The following GPR137B variants were observed in gnomAD, a reference collection of about 807,000 sequenced individuals.
GPR137B encodes the protein integral membrane protein GPR137B.
A neutral mutation model predicts 42.5 loss-of-function variants in GPR137B; 42 were observed. That is an observed-to-expected ratio of 0.99 (90% CI 0.77 to 1.28). The LOEUF is 1.28. Ranked by LOEUF, GPR137B falls within the 50% of genes most tolerant of loss-of-function variation. The pLI, the probability that GPR137B is intolerant of heterozygous loss-of-function variation, is 0.00. For synonymous variants in GPR137B, 218 were observed against 209.7 expected, an observed-to-expected ratio of 1.04 and a Z score of -0.34; for missense variants, 487 against 493.9, an observed-to-expected ratio of 0.99 and a Z score of 0.13.
intron 1 of GPR137B, among the ~76,000 whole-genome samples, chr1:236,146,034 T>C (rs573193240): frequency 6.6e-6 from 1 of 152,166 alleles, no homozygotes; most frequent in East Asian, 1.9e-4. Flanking sequence ...ATTTTTGTAT[T>C]TTTAGTAGAG....
chr1:236,190,003 TG>T (rs1312073172), intron 5 of GPR137B, among the ~76,000 whole-genome samples: 1 of 152,200 alleles, frequency 6.6e-6, no homozygotes, highest in Non-Finnish European at 1.5e-5. Flanking sequence ...GCTCCTGTAT[TG>T]GGTGCATATA....
chr1:236,149,953 C>A (rs762800148), intron 1 of GPR137B, among the ~76,000 whole-genome samples: 4 of 150,740 alleles, frequency 2.7e-5, no homozygotes, highest in Non-Finnish European at 5.9e-5. Context: ...TGTGCATATG[C>A]GTGTGTGCCT....
intron 1 of GPR137B, among the ~76,000 whole-genome samples, chr1:236,166,484 T>TGTA: frequency 7.2e-6 from 1 of 139,590 alleles, no homozygotes; most frequent in Non-Finnish European, 1.5e-5. Context: ...TTATATATAT[T>TGTA]TATATATACA....
chr1:236,187,207 G>A (rs1663059631), intron 5 of GPR137B, among the ~76,000 whole-genome samples: 1 of 152,062 alleles, frequency 6.6e-6, no homozygotes, highest in South Asian at 2.1e-4. Flanking sequence ...GTAAATTTAA[G>A]TTCTTTGTAG....
intron 1 of GPR137B, among the ~76,000 whole-genome samples, chr1:236,152,592 A>G (rs955281848): frequency 6.6e-6 from 1 of 151,976 alleles, no homozygotes; most frequent in African/African-American, 2.4e-5. Context: ...CCCCATCTCT[A>G]CCAAAAATAC....
rs1293536339 is a variant in GPR137B at position 236,178,564 on chromosome 1, T to C, written c.615T>C (p.Cys205=). 1 of 1,613,352 alleles carries C rather than the reference T, an allele frequency of 6.2e-7. No homozygotes were observed. The highest frequency in any genetic ancestry group is 1.3e-5 in the African/African-American group (1 of 75,024). Residue 205 remains cysteine, a synonymous_variant, in exon 3 of 7, where the codon TGT becomes TGC. Coordinates refer to ENST00000366592, the MANE Select transcript of GPR137B (RefSeq NM_003272.4). ...TTAATGACACGCTCTTCGTGCTGTG[T>C]GCCGTCTCTCTCTCCATCTGTCTCT... ...VAINDTLFVL[C]AVSLSICLYK... is the part of the protein sequence containing the mutation.
rs188887512 is a variant in GPR137B at position 236,151,572 on chromosome 1, C to T, written c.414+8536C>T. Among the ~76,000 whole-genome samples the T allele has an allele frequency of 4.9e-3, 744 of 151,852 alleles. 6 individuals carry two copies. The highest frequency in any genetic ancestry group is 0.016 in the African/African-American group (645 of 41,382). ...CCGAGTAGCTGGGACTACAGGTGCC[C>T]GCCACCATGCCCAGCTAATTTTTGT... On this transcript the variant is annotated intron_variant, in intron 1 of 6. Transcript: ENST00000366592.
Position 236,156,899 on chromosome 1 carries a change from T to C in GPR137B, c.415-11807T>C, listed in dbSNP as rs1662048349. 1.3e-5 allele frequency among the ~76,000 whole-genome samples: 2 copies of C among 152,192 alleles called. No individual in the cohort carries two copies. Among genetic ancestry groups the C allele is most frequent in the East Asian group, 3.8e-4 (2 of 5,198 alleles). On this transcript the variant is annotated intron_variant, in intron 1 of 6. Coordinates refer to ENST00000366592, the MANE Select transcript of GPR137B (RefSeq NM_003272.4). This position sits in a 1 kb window ranked among gnomAD's most constrained non-coding sequence, Gnocchi z 4.8. The stretch of plus-strand genomic sequence containing the variant: ...TTTTTCAGTATGAAAGTTCCTTTTA[T>C]GGTTAGGATAGCATCTGTGGTCACA...
rs964775236 is a variant in GPR137B, at chr1:236,142,823, G to A, written c.201G>A (p.Val67=). The change falls in exon 1 of 7, where the codon GTG becomes GTA. Residue 67 remains valine, a synonymous_variant. Transcript: ENST00000366592. ...TCATCTACGTGCAGCTCTGGCTGGT[G>A]CTGCGTTACCGCCACAAGCGGCTCA... ...FVFIYVQLWL[V]LRYRHKRLSY... is the part of the protein sequence containing the mutation. The A allele has an allele frequency of 5.6e-6, 9 of 1,614,006 alleles. No individual in the cohort carries two copies. The highest frequency in any genetic ancestry group is 1.1e-5 in the South Asian group (1 of 91,092).
intron 1 of GPR137B, among the ~76,000 whole-genome samples, chr1:236,157,832 G>T (rs1662076799): frequency 6.6e-6 from 1 of 152,202 alleles, no homozygotes; most frequent in African/African-American, 2.4e-5. Flanking sequence ...CAACTGCACT[G>T]TGCCTTAGTG....
At chr1:236,172,941 C>T (rs1662585796) in intron 2 of GPR137B, among the ~76,000 whole-genome samples, 1 of 151,580 alleles carries the variant, frequency 6.6e-6, no homozygotes, top group Admixed American at 6.6e-5. Context: ...ACTCTCCCGC[C>T]TCAGCCTCCC....
intron 2 of GPR137B, among the ~76,000 whole-genome samples, chr1:236,173,161 C>T (rs941275748): frequency 9.9e-5 from 15 of 151,358 alleles, no homozygotes; most frequent in African/African-American, 3.2e-4. Context: ...CGTAGTGGTG[C>T]GCGCCTGTAT....
chr1:236,190,148 CTTTTTT>C (rs34520510), intron 5 of GPR137B, among the ~76,000 whole-genome samples: 1 of 119,402 alleles, frequency 8.4e-6, no homozygotes. Context: ...CCTGCTTCTT[CTTTTTT>C]TTTTTTTTTT....
intron 4 of GPR137B, among the ~76,000 whole-genome samples, chr1:236,182,598 A>T (rs1423107479): frequency 6.6e-6 from 1 of 152,104 alleles, no homozygotes; most frequent in Non-Finnish European, 1.5e-5. Context: ...AAATTAAAAA[A>T]TAACCCAGGC....
At chr1:236,148,292 C>T (rs945051704) in intron 1 of GPR137B, among the ~76,000 whole-genome samples, 8 of 152,182 alleles carry the variant, frequency 5.3e-5, no homozygotes, top group Middle Eastern at 6.4e-3. Context: ...GCAGACAGGT[C>T]TGTGCCCTGC....
In GPR137B at chr1:236,208,781, CTT is replaced by C. The variant is rs1007434072; in HGVS notation, c.*624_*625del. On this transcript the variant is annotated 3_prime_UTR_variant, in exon 7 of 7. Transcript: ENST00000366592. Reference sequence around the variant, plus strand: ...AGGCCGTAGGTTCCTCAAGGAATCTCTTAAGTTTTGCCCAAAGACTGGTACTT... The same window carrying C: ...AGGCCGTAGGTTCCTCAAGGAATCTCAAGTTTTGCCCAAAGACTGGTACTT... The C allele has an allele frequency of 2.2e-5, 22 of 985,066 alleles. No individual in the cohort carries two copies. The highest frequency in any genetic ancestry group is 2.5e-5 in the Non-Finnish European group (21 of 829,868). 61.0% of individuals were successfully genotyped at this position (985,066 alleles called of 1,614,324 possible).
chr1:236,169,066 C>T (rs931611544), intron 2 of GPR137B, among the ~76,000 whole-genome samples: 2 of 152,208 alleles, frequency 1.3e-5, no homozygotes, highest in Admixed American at 1.3e-4. Flanking sequence ...CTAAACCTTC[C>T]TGAGGCACTT....
intron 1 of GPR137B, among the ~76,000 whole-genome samples, chr1:236,162,868 GA>G (rs1174349852): frequency 6.6e-6 from 1 of 152,224 alleles, no homozygotes; most frequent in Non-Finnish European, 1.5e-5. Flanking sequence ...GTGCAGAAGG[GA>G]AATGTGGGGT....
chr1:236,177,010 G>C (rs1662707828), intron 2 of GPR137B, among the ~76,000 whole-genome samples: 1 of 152,132 alleles, frequency 6.6e-6, no homozygotes, highest in South Asian at 2.1e-4. Context: ...AGGAGGTACA[G>C]GGAGGGTCAG....
Sources: allele counts gnomAD v4.1 joint callset (sites outside exome capture counted in the v4.1 genomes callset), GRCh38; gene constraint gnomAD v4.1.1; non-coding constraint Gnocchi (gnomAD v3.1); transcripts MANE v1.5; gene names NCBI Gene and HGNC (gene_info 2026-07-23, HGNC 2026-07-21).